Variants in ARSL observed in about 807,000 individuals in gnomAD.
The protein encoded by ARSL is arylsulfatase E (chondrodysplasia punctata 1).
Under a neutral mutation model 31.1 loss-of-function variants are expected in ARSL, and 4 were observed. The observed-to-expected ratio is 0.13, with a 90% CI of 0.06 to 0.29. The LOEUF (loss-of-function observed/expected upper bound fraction) is 0.29. Among genes scored for constraint, ARSL ranks in the 10% least tolerant of loss-of-function variants. The probability of loss-of-function intolerance (pLI) is 1.00; values close to 1 mark genes in which losing one functional copy is unlikely to be tolerated. For synonymous variants in ARSL, 198 were observed against 209.9 expected (o/e 0.94, Z 0.49); for missense variants, 312 against 497.8 (o/e 0.63, Z 3.55).
At chrX:2,959,645 T>G in intron 2 of ARSL, 1 of 1,154,107 alleles carries the variant, frequency 8.7e-7, no homozygotes, top group Non-Finnish European at 1.1e-6. Context: ...TGAGGCTGCC[T>G]GGGGCAACAT....
upstream of ARSL, chrX:2,968,238 C>A: frequency 9.2e-7 from 1 of 1,084,002 alleles, no homozygotes; most frequent in Admixed American, 2.6e-5. Context: ...CCAAAACAGA[C>A]ACGCACTGGC....
chrX:2,958,324 C>T lies in ARSL; in HGVS notation c.135G>A (p.Ala45=), dbSNP rs144570956. The T allele has an allele frequency of 1.3e-5, 16 of 1,210,332 alleles. No individual in the cohort carries two copies. Among genetic ancestry groups the T allele is most frequent in the East Asian group, 3.0e-5 (1 of 33,754 alleles). ...CAATGTCCCCAATGCCAAGGTCGTC[C>T]GCCATCAGAAGAAGGATGTTCGGTC... ...ASRPNILLLM[A]DDLGIGDIGC... Residue 45 remains alanine, a synonymous_variant, in exon 3 of 11, where the codon GCG becomes GCA. Transcript: ENST00000381134.
Position 2,952,355 on chromosome X carries a change from C to T in ARSL, c.430+788G>A, listed in dbSNP as rs1435490136. On this transcript the variant is annotated intron_variant, in intron 5 of 10. Transcript: ENST00000381134. Reference sequence around the variant, plus strand: ...TCTTTCTTTTTCTTTTTCGTAGAGACAGGGTTTCGCCATGCTGCCCAGGCT... The same window carrying T: ...TCTTTCTTTTTCTTTTTCGTAGAGATAGGGTTTCGCCATGCTGCCCAGGCT... Among the ~76,000 whole-genome samples, 4 of 111,167 alleles carry T rather than the reference C, an allele frequency of 3.6e-5. No individual in the cohort carries two copies. In the East Asian group the frequency reaches 1.1e-3, roughly 31 times the overall value.
chrX:2,943,675 G>C (rs1300456525), intron 7 of ARSL, among the ~76,000 whole-genome samples: 1 of 100,947 alleles, frequency 9.9e-6, no homozygotes, highest in Non-Finnish European at 2.0e-5. Context: ...CCGGGAAGTG[G>C]AGATTGCTGT....
At position 2,949,627 on chromosome X, in the gene ARSL, C is replaced by T; in HGVS notation, c.531G>A (p.Leu177=). ...GTTCCCAGCGGGCGCAATCACCCAT[C>T]AAGGAGAAAGGCATTCCGTAGAAAT... ...FDHFYGMPFS[L]MGDCARWELS... Residue 177 remains leucine, a synonymous_variant, in exon 6 of 11, where the codon TTG becomes TTA. Transcript: ENST00000381134. The T allele has an allele frequency of 8.3e-7, 1 of 1,211,421 alleles. No individual in the cohort carries two copies. Among genetic ancestry groups the T allele is most frequent in the Non-Finnish European group, 1.1e-6 (1 of 895,476 alleles).
At chrX:2,935,872 T>C (rs1185401995) in intron 10 of ARSL, among the ~76,000 whole-genome samples, 1 of 109,408 alleles carries the variant, frequency 9.1e-6, no homozygotes, top group African/African-American at 3.3e-5. Context: ...TAAGGTCAGG[T>C]GATTAAAACA....
At chrX:2,945,008 G>T (rs866690529) in intron 7 of ARSL, among the ~76,000 whole-genome samples, 1 of 107,938 alleles carries the variant, frequency 9.3e-6, no homozygotes, top group Admixed American at 1.0e-4. Context: ...AGAAGAATAA[G>T]AAGAAGAAGA....
At chrX:2,942,995 T>C (rs2089301130) in intron 8 of ARSL, 70 bp downstream of exon 8, 2 of 1,169,455 alleles carry the variant, frequency 1.7e-6, no homozygotes, top group Non-Finnish European at 2.3e-6. Flanking sequence ...CTGGAATAGA[T>C]TGCCCTGCTG....
intron 7 of ARSL, among the ~76,000 whole-genome samples, chrX:2,945,460 G>A (rs181824285): frequency 3.6e-5 from 4 of 112,035 alleles, no homozygotes; most frequent in African/African-American, 6.5e-5. Context: ...GCAATAGGAC[G>A]TAGACATCTT....
chrX:2,964,376 G>C, upstream of ARSL: 4 of 754,055 alleles, frequency 5.3e-6, no homozygotes, highest in Non-Finnish European at 6.3e-6. Flanking sequence ...GAAGATCAGA[G>C]AGAGTTAGGA....
At chrX:2,950,362 G>A (rs2089444948) in intron 5 of ARSL, among the ~76,000 whole-genome samples, 1 of 112,132 alleles carries the variant, frequency 8.9e-6, no homozygotes, top group Non-Finnish European at 1.9e-5. Flanking sequence ...ACCTCAGAAT[G>A]TGACTGTGTT....
At chrX:2,960,345 G>T in intron 2 of ARSL, 33 bp downstream of exon 2, 2 of 807,133 alleles carry the variant, frequency 2.5e-6, no homozygotes, top group Non-Finnish European at 3.6e-6. Flanking sequence ...AAAGAAAGGA[G>T]ACTACTAATG....
chrX:2,964,345 G>A (rs772242134), upstream of ARSL: 11 of 752,264 alleles, frequency 1.5e-5, no homozygotes, highest in East Asian at 1.5e-3. Flanking sequence ...GATTAACTTC[G>A]AGTTTGTTTT....
Position 2,934,583 on chromosome X carries a change from C to T in ARSL, c.*249G>A, listed in dbSNP as rs1412137357. Reference sequence around the variant, plus strand: ...CTCCAACTCCGGTGCTCAAATGATCCTCCTGCCTTAGCCTCCTGAGAAGCT... The same window carrying T: ...CTCCAACTCCGGTGCTCAAATGATCTTCCTGCCTTAGCCTCCTGAGAAGCT... On this transcript the variant is annotated 3_prime_UTR_variant, in exon 11 of 11. Transcript: ENST00000381134. The T allele has an allele frequency of 1.4e-5, 5 of 354,163 alleles. No individual in the cohort carries two copies. The highest frequency in any genetic ancestry group is 2.4e-5 in the Non-Finnish European group (5 of 204,764). The allele number at this position is 354,163 out of a possible 1,213,427, so 29.2% of individuals were successfully genotyped here.
At chrX:2,935,326 T>C in intron 10 of ARSL, 136 bp from the exon 11 acceptor site, 1 of 539,356 alleles carries the variant, frequency 1.9e-6, no homozygotes, top group Non-Finnish European at 3.1e-6. Flanking sequence ...CAAAACATGG[T>C]ACATCTTACA....
At position 2,949,308 on chromosome X, in the gene ARSL, T is replaced by C; in HGVS notation, c.850A>G (p.Lys284Glu). Reference protein sequence around the residue: ...LILQEVASFLKRNKHGPFLLF... With the variant: ...LILQEVASFLERNKHGPFLLF... Reference sequence around the variant, plus strand: ...AGCTGACCCTTTTCTGCTGACCTTTTGAGAAAGGACGCAACCTCCTGCAGA... The same window carrying C: ...AGCTGACCCTTTTCTGCTGACCTTTCGAGAAAGGACGCAACCTCCTGCAGA... The change falls in exon 6 of 11, where the codon AAA becomes GAA. Residue 284 changes from lysine (K) to glutamate (E), a missense_variant. Physicochemically the swap from Lys to Glu is moderately conservative, Grantham distance 56. Transcript: ENST00000381134. The C allele has an allele frequency of 8.3e-7, 1 of 1,211,213 alleles. No individual in the cohort carries two copies. Among genetic ancestry groups the C allele is most frequent in the Non-Finnish European group, 1.1e-6 (1 of 895,393 alleles).
In ARSL at chrX:2,953,005, A is replaced by G. The variant is rs138206232; in HGVS notation, c.430+138T>C. On this transcript the variant is annotated intron_variant, in intron 5 of 10. Coordinates refer to ENST00000381134, the MANE Select transcript of ARSL (RefSeq NM_000047.3). ...TGCAGAAAACAACCTGGAAAGGAACATGGTTCCTAGATACATGCAGCTTTC... is the reference window on the plus strand; with the variant it reads ...TGCAGAAAACAACCTGGAAAGGAACGTGGTTCCTAGATACATGCAGCTTTC... The G allele has an allele frequency of 6.0e-3, 4,660 of 778,224 alleles. 57 individuals are homozygous for G. Among genetic ancestry groups the G allele is most frequent in the African/African-American group, 0.055 (2,608 of 47,683 alleles). 64.1% of individuals were successfully genotyped at this position (778,224 alleles called of 1,213,427 possible).
At chrX:2,964,853 C>T (rs959105083), upstream of ARSL, among the ~76,000 whole-genome samples, 1 of 111,482 alleles carries the variant, frequency 9.0e-6, no homozygotes, top group Admixed American at 9.6e-5. Flanking sequence ...GCCCATAATC[C>T]TAGCACTTGG....
intron 1 of ARSL, among the ~76,000 whole-genome samples, chrX:2,960,755 A>G (rs1215338700): frequency 9.0e-6 from 1 of 111,350 alleles, no homozygotes; most frequent in Non-Finnish European, 1.9e-5. Flanking sequence ...AGAGAATCCC[A>G]GTGTCCGGAA....
Sources: allele counts gnomAD v4.1 joint callset (sites outside exome capture counted in the v4.1 genomes callset), GRCh38; gene constraint gnomAD v4.1.1; transcripts MANE v1.5; gene names NCBI Gene and HGNC (gene_info 2026-07-23, HGNC 2026-07-21).